Variants in ATRNL1 observed in about 807,000 individuals in gnomAD.
ATRNL1 encodes attractin-like protein 1.
Under a neutral mutation model 182.7 loss-of-function variants are expected in ATRNL1, and 95 were observed. The observed-to-expected ratio is 0.52, with a 90% CI of 0.44 to 0.62. The LOEUF (loss-of-function observed/expected upper bound fraction) is 0.62. Among genes scored for constraint, ATRNL1 ranks in the 20% least tolerant of loss-of-function variants. The pLI, the probability that ATRNL1 is intolerant of heterozygous loss-of-function variation, is 0.00. For missense variants in ATRNL1, 1,471 were observed against 1,679.5 expected (o/e 0.88, Z 2.17); for synonymous variants, 576 against 568.3 (o/e 1.01, Z -0.19).
At chr10:115,587,519 T>C (rs1160424978) in intron 26 of ATRNL1, among the ~76,000 whole-genome samples, 1 of 151,248 alleles carries the variant, frequency 6.6e-6, no homozygotes, top group Non-Finnish European at 1.5e-5. Context: ...GTGACCCGAT[T>C]TTCCAGGTGC....
chr10:115,409,133 A>G (rs566814122), intron 20 of ATRNL1, among the ~76,000 whole-genome samples: 2 of 152,266 alleles, frequency 1.3e-5, no homozygotes, highest in East Asian at 3.9e-4. Context: ...GTTTGAAAGG[A>G]ATTGCATTCA....
intron 18 of ATRNL1, among the ~76,000 whole-genome samples, chr10:115,320,186 A>G (rs1172407767): frequency 6.6e-6 from 1 of 152,038 alleles, no homozygotes; most frequent in Non-Finnish European, 1.5e-5. Flanking sequence ...TTCTGGGTTG[A>G]AAATTATTTT....
At chr10:115,838,284 G>T (rs1331695706) in intron 27 of ATRNL1, among the ~76,000 whole-genome samples, 1 of 152,178 alleles carries the variant, frequency 6.6e-6, no homozygotes, top group Admixed American at 6.5e-5. Flanking sequence ...TTCAAGGGAC[G>T]TAAGAGGATG....
chr10:115,946,219 T>G lies in ATRNL1; in HGVS notation c.*1440T>G, dbSNP rs1472804392. The G allele has an allele frequency of 6.6e-6, 1 of 152,228 alleles. No homozygotes were observed. Among genetic ancestry groups the G allele is most frequent in the Non-Finnish European group, 1.5e-5 (1 of 68,026 alleles). The allele number at this position is 152,228 out of a possible 1,614,324, so 9.4% of individuals were successfully genotyped here. ...TAGTACTATATATGTACTTTTCACATTCTTTGGATTTCTGGAAGGTTATGA... is the reference window on the plus strand; with the variant it reads ...TAGTACTATATATGTACTTTTCACAGTCTTTGGATTTCTGGAAGGTTATGA... On this transcript the variant is annotated 3_prime_UTR_variant, in exon 29 of 29. Coordinates refer to ENST00000355044, the MANE Select transcript of ATRNL1 (RefSeq NM_207303.4).
At chr10:115,581,288 T>G (rs547616231) in intron 26 of ATRNL1, among the ~76,000 whole-genome samples, 1 of 152,224 alleles carries the variant, frequency 6.6e-6, no homozygotes, top group East Asian at 1.9e-4. Flanking sequence ...GTTTTGTCAG[T>G]GCCCCAAGAC....
At chr10:115,642,687 C>T (rs566903226) in intron 26 of ATRNL1, among the ~76,000 whole-genome samples, 6 of 152,128 alleles carry the variant, frequency 3.9e-5, no homozygotes, top group South Asian at 2.1e-4. Flanking sequence ...TCAGGTGATC[C>T]GCCCGCCTTG....
chr10:115,171,116 A>G lies in ATRNL1; in HGVS notation c.1172A>G (p.His391Arg), dbSNP rs782347663. The change falls in exon 8 of 29, where the codon CAT (histidine) becomes CGT (arginine). Residue 391 changes from histidine to arginine, a missense_variant. His to Arg is a conservative substitution (Grantham distance 29). Transcript: ENST00000355044. ...VTDELWVFNI[H>R]SQSWSTKTPT... ...GATGAATTATGGGTTTTTAACATACATAGTCAGTCATGGAGTACAAAAACT... is the reference window on the plus strand; with the variant it reads ...GATGAATTATGGGTTTTTAACATACGTAGTCAGTCATGGAGTACAAAAACT... The G allele has an allele frequency of 5.0e-6, 8 of 1,605,848 alleles. No homozygotes were observed. Among genetic ancestry groups the G allele is most frequent in the African/African-American group, 2.7e-5 (2 of 74,810 alleles).
intron 8 of ATRNL1, among the ~76,000 whole-genome samples, chr10:115,206,323 C>T (rs1048077145): frequency 6.6e-6 from 1 of 151,992 alleles, no homozygotes; most frequent in Non-Finnish European, 1.5e-5. Context: ...GTGATTTGCT[C>T]AGGTTCCTGA....
At chr10:115,449,327 G>A (rs180939559) in intron 21 of ATRNL1, among the ~76,000 whole-genome samples, 181 of 152,212 alleles carry the variant, frequency 1.2e-3, no homozygotes, top group African/African-American at 4.2e-3. Context: ...GGAGAGCTTG[G>A]CTGGGGAGAG....
chr10:115,094,105 C>A, intron 1 of ATRNL1, 62 bp downstream of exon 1: 2 of 1,300,052 alleles, frequency 1.5e-6, no homozygotes, highest in African/African-American at 1.5e-5. Flanking sequence ...CGGCCTTCCC[C>A]GCCCCCCTCG....
At chr10:115,293,940 A>T (rs1262590410) in intron 15 of ATRNL1, among the ~76,000 whole-genome samples, 2 of 152,072 alleles carry the variant, frequency 1.3e-5, no homozygotes, top group Admixed American at 1.3e-4. Context: ...ATTGTAGAGG[A>T]CCTGTATAGG....
At chr10:115,370,531 T>C (rs149124749) in intron 19 of ATRNL1, among the ~76,000 whole-genome samples, 2,273 of 152,326 alleles carry the variant, frequency 0.015, 51 homozygotes, top group African/African-American at 0.051. Flanking sequence ...TGTTACGTTT[T>C]AGCAAAGAGA....
chr10:115,167,129 A>G (rs1847080367), intron 7 of ATRNL1, among the ~76,000 whole-genome samples: 1 of 151,912 alleles, frequency 6.6e-6, no homozygotes, highest in African/African-American at 2.4e-5. Flanking sequence ...CAGTTTCCCC[A>G]ACATCGTTTG....
intron 21 of ATRNL1, among the ~76,000 whole-genome samples, chr10:115,428,733 CCATT>C (rs1288048515): frequency 6.6e-6 from 1 of 151,918 alleles, no homozygotes; most frequent in Non-Finnish European, 1.5e-5. Flanking sequence ...CCATTTTTGT[CCATT>C]CATAAGTTCA....
At chr10:115,477,123 T>C (rs1848568962) in intron 24 of ATRNL1, among the ~76,000 whole-genome samples, 1 of 151,528 alleles carries the variant, frequency 6.6e-6, no homozygotes, top group African/African-American at 2.4e-5. Context: ...CAATAAAAGA[T>C]TTCTCCCTTA....
chr10:115,718,801 A>G (rs1555056974), intron 26 of ATRNL1, among the ~76,000 whole-genome samples: 1 of 152,214 alleles, frequency 6.6e-6, no homozygotes, highest in African/African-American at 2.4e-5. Flanking sequence ...TTTTAACTCC[A>G]GGCTACATAA....
Position 115,227,126 on chromosome 10 carries a change from G to A in ATRNL1, c.1532+11246G>A, listed in dbSNP as rs188878804. 2.6e-3 allele frequency among the ~76,000 whole-genome samples: 399 copies of A among 152,186 alleles called. 2 individuals are homozygous for A. Among genetic ancestry groups the A allele is most frequent in the African/African-American group, 9.3e-3 (387 of 41,540 alleles). ...CACAGCAAAAGAAACCATTAGCAGA[G>A]CAAACAGACAGCCTACAAAATGGGA... On this transcript the variant is annotated intron_variant, in intron 9 of 28. Transcript: ENST00000355044.
At position 115,765,785 on chromosome 10, in the gene ATRNL1, T is replaced by C. The variant is rs137950148; in HGVS notation, c.3903+38430T>C. Among the ~76,000 whole-genome samples the C allele has an allele frequency of 3.0e-3, 451 of 152,328 alleles. 1 individual carries two copies. Among genetic ancestry groups the C allele is most frequent in the African/African-American group, 0.01 (423 of 41,580 alleles). On this transcript the variant is annotated intron_variant, in intron 27 of 28. Transcript: ENST00000355044. ...TATCATTTTGCATTTTACATTTAGG[T>C]CTACAATTCATTTTGAGTTAATTTT...
intron 19 of ATRNL1, among the ~76,000 whole-genome samples, chr10:115,358,008 C>G (rs1856576468): frequency 6.6e-6 from 1 of 151,594 alleles, no homozygotes; most frequent in Non-Finnish European, 1.5e-5. Context: ...CCAAACTGAT[C>G]CTGGCTCTGC....
Sources: gnomAD v4.1 joint callset for allele counts (sites outside exome capture counted in the v4.1 genomes callset) on GRCh38, gnomAD v4.1.1 for gene constraint, MANE v1.5 for transcripts, NCBI Gene and HGNC (gene_info 2026-07-23, HGNC 2026-07-21) for gene names.